The following BRINP3 variants were observed in gnomAD, a reference collection of about 807,000 sequenced individuals.
The protein encoded by BRINP3 is BMP/retinoic acid-inducible neural-specific protein 3.
BRINP3 carries 19 observed loss-of-function variants against 71.0 expected under a neutral mutation model. That is an observed-to-expected ratio of 0.27 (90% CI 0.19 to 0.39). BRINP3 has a LOEUF of 0.39. BRINP3 is among the 10% of genes least tolerant of loss of function. The pLI is 1.00. For synonymous variants in BRINP3, 380 were observed against 337.7 expected, an observed-to-expected ratio of 1.13 and a Z score of -1.37; for missense variants, 959 against 940.8, an observed-to-expected ratio of 1.02 and a Z score of -0.25.
intron 2 of BRINP3, among the ~76,000 whole-genome samples, chr1:190,392,118 G>T (rs1459445403): frequency 6.6e-6 from 1 of 151,434 alleles, no homozygotes; most frequent in Non-Finnish European, 1.5e-5. Flanking sequence ...AAAAATATCT[G>T]TGTGTCTGAT....
chr1:190,427,516 C>T (rs751749546), intron 2 of BRINP3, among the ~76,000 whole-genome samples: 5 of 151,930 alleles, frequency 3.3e-5, no homozygotes, highest in Non-Finnish European at 7.4e-5. Flanking sequence ...TTGAAATGCA[C>T]AGGGAAATCT....
At chr1:190,104,888 T>C (rs1652014860) in intron 7 of BRINP3, among the ~76,000 whole-genome samples, 1 of 152,134 alleles carries the variant, frequency 6.6e-6, no homozygotes, top group Admixed American at 6.6e-5. Flanking sequence ...CTGTGCAATG[T>C]GGATACAAAC....
intron 2 of BRINP3, among the ~76,000 whole-genome samples, chr1:190,363,405 A>T (rs779648546): frequency 1.9e-4 from 29 of 152,288 alleles, no homozygotes; most frequent in Admixed American, 3.3e-4. Context: ...AAATAACTTG[A>T]TGTTCATTGG....
chr1:190,432,094 C>T (rs969634789), intron 2 of BRINP3, among the ~76,000 whole-genome samples: 2 of 151,936 alleles, frequency 1.3e-5, no homozygotes, highest in African/African-American at 2.4e-5. Context: ...TAGAAATAAA[C>T]AAAACTGCAA....
chr1:190,462,221 A>T lies in BRINP3; in HGVS notation c.-50-7281T>A, dbSNP rs367918367. Among the ~76,000 whole-genome samples the T allele has an allele frequency of 9.2e-5, 14 of 152,096 alleles. No individual in the cohort carries two copies. The South Asian group carries it at 2.7e-3, about 29-fold the overall frequency. The stretch of plus-strand genomic sequence containing the variant: ...GACACCATACCTGGCCCAAAGCAAG[A>T]TATTCTTAATGTTAAAAAATGTTAA... On this transcript the variant is annotated intron_variant, in intron 1 of 7. Coordinates refer to ENST00000367462, the MANE Select transcript of BRINP3 (RefSeq NM_199051.3).
At chr1:190,250,704 A>G (rs1660052560) in intron 4 of BRINP3, among the ~76,000 whole-genome samples, 1 of 151,934 alleles carries the variant, frequency 6.6e-6, no homozygotes, top group South Asian at 2.1e-4. Context: ...TTTAGCTTGG[A>G]ACAGTATGAA....
intron 2 of BRINP3, among the ~76,000 whole-genome samples, chr1:190,321,617 A>G (rs868755887): frequency 6.6e-6 from 1 of 152,250 alleles, no homozygotes; most frequent in South Asian, 2.1e-4. Context: ...CTGGCTTTAT[A>G]TTTTGACTGA....
intron 6 of BRINP3, among the ~76,000 whole-genome samples, chr1:190,168,223 ATAT>A (rs147503242): frequency 0.15 from 22,587 of 151,970 alleles, 2,654 homozygotes; most frequent in African/African-American, 0.3. Context: ...ATATATATAT[ATAT>A]AAAAAGCAAG....
intron 2 of BRINP3, among the ~76,000 whole-genome samples, chr1:190,331,270 AT>A (rs1666945867): frequency 1.3e-5 from 2 of 152,032 alleles, no homozygotes; most frequent in South Asian, 4.1e-4. Flanking sequence ...ATCAGAAAAA[AT>A]AATGCAAGCT....
chr1:190,325,612 A>T (rs12047392), intron 2 of BRINP3, among the ~76,000 whole-genome samples: 1 of 152,056 alleles, frequency 6.6e-6, no homozygotes, highest in African/African-American at 2.4e-5. Context: ...GAAAGCCTGG[A>T]CCACTCGATA....
intron 4 of BRINP3, among the ~76,000 whole-genome samples, chr1:190,257,160 T>C (rs929842340): frequency 6.6e-6 from 1 of 152,198 alleles, no homozygotes; most frequent in Non-Finnish European, 1.5e-5. Flanking sequence ...CATATTCCCA[T>C]ATTTCTTGGA....
At chr1:190,457,460 A>AAAAACAAAACAAAAC (rs71561668) in intron 1 of BRINP3, among the ~76,000 whole-genome samples, 31,984 of 151,210 alleles carry the variant, frequency 0.21, 3,474 homozygotes, top group South Asian at 0.24. Context: ...ACACAAAAAC[A>AAAAACAAAACAAAAC]AAAACAAAAC....
At chr1:190,118,910 T>C (rs1319533081) in intron 7 of BRINP3, among the ~76,000 whole-genome samples, 1 of 152,230 alleles carries the variant, frequency 6.6e-6, no homozygotes, top group Non-Finnish European at 1.5e-5. Flanking sequence ...TGAGAATTTT[T>C]AATTTTAGCC....
chr1:190,393,521 A>G (rs937656053), intron 2 of BRINP3, among the ~76,000 whole-genome samples: 5 of 151,612 alleles, frequency 3.3e-5, no homozygotes, highest in African/African-American at 1.2e-4. Flanking sequence ...TGTGATACAT[A>G]TAACAACGGT....
intron 7 of BRINP3, among the ~76,000 whole-genome samples, chr1:190,101,988 A>G (rs1437552138): frequency 2.0e-5 from 3 of 152,128 alleles, no homozygotes; most frequent in Non-Finnish European, 4.4e-5. Flanking sequence ...GCTCTCATGT[A>G]TGAATACTGA....
At chr1:190,364,334 G>C (rs955313044) in intron 2 of BRINP3, among the ~76,000 whole-genome samples, 2 of 152,072 alleles carry the variant, frequency 1.3e-5, no homozygotes, top group Non-Finnish European at 2.9e-5. Context: ...AATGATACTT[G>C]AATGTGTGGT....
intron 2 of BRINP3, among the ~76,000 whole-genome samples, chr1:190,326,046 G>A (rs1666557327): frequency 1.3e-5 from 2 of 151,892 alleles, no homozygotes; most frequent in East Asian, 3.9e-4. Flanking sequence ...AACTTCTAAA[G>A]TAATCCAGGA....
At chr1:190,474,792 C>G (rs1023824696) in intron 1 of BRINP3, 1 of 151,494 alleles carries the variant, frequency 6.6e-6, no homozygotes, top group Non-Finnish European at 1.5e-5. Flanking sequence ...ACTAGGAGAA[C>G]AGCCATCAGA....
chr1:190,162,803 T>C (rs946235444), intron 6 of BRINP3, among the ~76,000 whole-genome samples: 8 of 152,092 alleles, frequency 5.3e-5, no homozygotes, highest in Non-Finnish European at 1.2e-4. Flanking sequence ...AGCTGAAAAT[T>C]GCCAGTATGT....
Sources: gnomAD v4.1 joint callset for allele counts (sites outside exome capture counted in the v4.1 genomes callset) on GRCh38, gnomAD v4.1.1 for gene constraint, MANE v1.5 for transcripts, NCBI Gene and HGNC (gene_info 2026-07-23, HGNC 2026-07-21) for gene names.